The following SYTL3 variants were observed in gnomAD, a reference collection of about 807,000 sequenced individuals.
SYTL3 encodes the protein synaptotagmin-like protein 3.
SYTL3 carries 88 observed loss-of-function variants against 82.1 expected under a neutral mutation model. The observed-to-expected ratio is 1.07, with a 90% CI of 0.90 to 1.28. The LOEUF is 1.28. Ranked by LOEUF, SYTL3 falls within the 50% of genes most tolerant of loss-of-function variation. The pLI, the probability that SYTL3 is intolerant of heterozygous loss-of-function variation, is 0.00. For synonymous variants in SYTL3, 311 were observed against 289.4 expected, an observed-to-expected ratio of 1.07 and a Z score of -0.76; for missense variants, 831 against 757.6, an observed-to-expected ratio of 1.10 and a Z score of -1.14.
intron 6 of SYTL3, among the ~76,000 whole-genome samples, chr6:158,700,521 C>T (rs1781067668): frequency 6.6e-6 from 1 of 152,130 alleles, no homozygotes; most frequent in South Asian, 2.1e-4. Context: ...AACCAATGAC[C>T]TTGTGTTAAT....
Position 158,722,805 on chromosome 6 carries a change from C to G in SYTL3, c.721-2698C>G, listed in dbSNP as rs531538081. 2.0e-3 allele frequency among the ~76,000 whole-genome samples: 239 copies of G among 121,128 alleles called. 1 individual carries two copies. The highest frequency in any genetic ancestry group is 3.2e-3 in the Non-Finnish European group (199 of 62,006). The allele number at this position is 121,128 out of a possible 152,430, so 79.5% of individuals were successfully genotyped here. ...TTTTTTTTTAAGATGGAGTCTCGCT[C>G]TGTCACCCAGACAGCGAGCGAACAG... On this transcript the variant is annotated intron_variant, in intron 10 of 17. Coordinates refer to ENST00000611299, the MANE Select transcript of SYTL3 (RefSeq NM_001242394.2).
intron 7 of SYTL3, 30 bp from the exon 8 acceptor site, chr6:158,708,292 C>T: frequency 1.9e-6 from 3 of 1,576,862 alleles, no homozygotes; most frequent in Middle Eastern, 1.7e-4. Flanking sequence ...GTTCACAACC[C>T]ATTTCTTATG....
rs1430639112 is a variant in SYTL3 at position 158,757,212 on chromosome 6, A to G, written c.1139A>G (p.Tyr380Cys). Residue 380 changes from tyrosine (Y) to cysteine (C), a missense_variant and splice_region_variant, in exon 14 of 18, where the codon TAT (tyrosine) becomes TGT (cysteine). Transcript: ENST00000611299. ...VDPTFQETLK[Y>C]QVAPAQLVTR... ...ACCATCTCTTCCTTGCCTCTGCAGT[A>G]TCAGGTGGCCCCTGCCCAGCTGGTG... 6.2e-7 allele frequency: 1 copy of G among 1,607,638 alleles called. No individual in the cohort carries two copies. Among genetic ancestry groups the G allele is most frequent in the East Asian group, 2.2e-5 (1 of 44,702 alleles).
rs772720055 is a variant in SYTL3, at chr6:158,725,602, G to A, written c.820G>A (p.Ala274Thr). 6.2e-7 allele frequency: 1 copy of A among 1,614,128 alleles called. No homozygotes were observed. Among genetic ancestry groups the A allele is most frequent in the Non-Finnish European group, 8.5e-7 (1 of 1,180,034 alleles). ...LKQQNLPSSP[A>T]PSTIFSGGFR... ...GCAACAGAATCTCCCATCCAGTCCG[G>A]CACCCAGTACCATATTCTCTGGAGG... The change falls in exon 11 of 18, where the codon GCA (alanine) becomes ACA (threonine). Residue 274 changes from alanine (A) to threonine (T), a missense_variant. Coordinates refer to ENST00000611299, the MANE Select transcript of SYTL3 (RefSeq NM_001242394.2).
intron 6 of SYTL3, among the ~76,000 whole-genome samples, chr6:158,697,322 C>T (rs967681134): frequency 4.0e-5 from 6 of 150,128 alleles, no homozygotes; most frequent in South Asian, 2.1e-4. Flanking sequence ...TGGTGGTCCA[C>T]GCCTGTGGTC....
At position 158,663,394 on chromosome 6, in the gene SYTL3, C is replaced by G. The variant is rs762086061; in HGVS notation, c.110+16C>G. Reference sequence around the variant, plus strand: ...AGAGGACACGGTAGGCTGCCCTTCCCGGGGGGTCACTTTGGGTGTTTAGCT... The same window carrying G: ...AGAGGACACGGTAGGCTGCCCTTCCGGGGGGGTCACTTTGGGTGTTTAGCT... On this transcript the variant is annotated intron_variant, in intron 4 of 17. Transcript: ENST00000611299. 2.5e-6 allele frequency: 4 copies of G among 1,611,894 alleles called. No individual in the cohort carries two copies. In the East Asian group the frequency reaches 8.9e-5, roughly 36 times the overall value.
At chr6:158,707,371 C>T in intron 7 of SYTL3, 90 bp downstream of exon 7, 1 of 1,031,886 alleles carries the variant, frequency 9.7e-7, no homozygotes, top group South Asian at 1.5e-5. Flanking sequence ...TCTTGACTTT[C>T]ACATGTCACT....
At chr6:158,656,650 G>A (rs1030109670) in intron 2 of SYTL3, among the ~76,000 whole-genome samples, 11 of 152,024 alleles carry the variant, frequency 7.2e-5, no homozygotes, top group Non-Finnish European at 8.8e-5. Flanking sequence ...GCGTAAACCC[G>A]GGAGGTGGAG....
intron 13 of SYTL3, among the ~76,000 whole-genome samples, chr6:158,756,345 C>T (rs1392548986): frequency 6.6e-6 from 1 of 152,250 alleles, no homozygotes; most frequent in Non-Finnish European, 1.5e-5. Context: ...AGGCACCGTC[C>T]CTCCAGGGCA....
intron 13 of SYTL3, among the ~76,000 whole-genome samples, chr6:158,753,701 G>T (rs2128532564): frequency 6.9e-6 from 1 of 144,146 alleles, no homozygotes; most frequent in South Asian, 2.2e-4. Flanking sequence ...CTACACTCCA[G>T]CCTGGGTGAC....
chr6:158,701,399 G>C (rs1373986700), intron 6 of SYTL3, among the ~76,000 whole-genome samples: 6 of 149,292 alleles, frequency 4.0e-5, no homozygotes, highest in African/African-American at 1.2e-4. Flanking sequence ...CTGGGGTGTA[G>C]ATGAAGGGCT....
intron 10 of SYTL3, among the ~76,000 whole-genome samples, chr6:158,723,897 T>C (rs1339826439): frequency 5.3e-5 from 8 of 152,146 alleles, no homozygotes; most frequent in Non-Finnish European, 1.0e-4. Flanking sequence ...ATCCCCTATG[T>C]GTTTGTGATC....
chr6:158,708,658 G>A (rs754240006), intron 8 of SYTL3, among the ~76,000 whole-genome samples: 1 of 152,144 alleles, frequency 6.6e-6, no homozygotes, highest in Admixed American at 6.5e-5. Flanking sequence ...GCATGGCATC[G>A]GCCCCCTTCC....
intron 11 of SYTL3, among the ~76,000 whole-genome samples, chr6:158,735,587 C>G (rs1354742887): frequency 6.6e-6 from 1 of 152,164 alleles, no homozygotes; most frequent in African/African-American, 2.4e-5. Flanking sequence ...GCCTTCCCTT[C>G]TGAGAAATAT....
intron 11 of SYTL3, among the ~76,000 whole-genome samples, chr6:158,731,584 A>T (rs1329489222): frequency 6.6e-6 from 1 of 151,922 alleles, no homozygotes; most frequent in Non-Finnish European, 1.5e-5. Flanking sequence ...TTCCCATCTT[A>T]TAACTAATTT....
At chr6:158,657,301 C>G (rs527491219) in intron 2 of SYTL3, among the ~76,000 whole-genome samples, 2 of 151,818 alleles carry the variant, frequency 1.3e-5, no homozygotes, top group Admixed American at 1.3e-4. Flanking sequence ...TGGCGCGTGC[C>G]TGTAATCCCA....
chr6:158,666,515 T>C (rs141311262), intron 5 of SYTL3, among the ~76,000 whole-genome samples: 137 of 152,170 alleles, frequency 9.0e-4, no homozygotes, highest in African/African-American at 3.2e-3. Flanking sequence ...ACTAGAGGGG[T>C]GACTCCGTCT....
chr6:158,665,371 C>T, intron 4 of SYTL3, 24 bp from the exon 5 acceptor site: 2 of 1,556,678 alleles, frequency 1.3e-6, no homozygotes. Context: ...CTAATACTAT[C>T]TTCTTTAACT....
intron 5 of SYTL3, among the ~76,000 whole-genome samples, chr6:158,678,652 C>G (rs1241359715): frequency 6.6e-6 from 1 of 152,082 alleles, no homozygotes; most frequent in Admixed American, 6.5e-5. Flanking sequence ...GCTGAAAACC[C>G]CAGAAGTTTA....
Sources: gnomAD v4.1 joint callset for allele counts (sites outside exome capture counted in the v4.1 genomes callset) on GRCh38, gnomAD v4.1.1 for gene constraint, MANE v1.5 for transcripts, NCBI Gene and HGNC (gene_info 2026-07-23, HGNC 2026-07-21) for gene names.